HEXB: variants seen among roughly 807,000 people sequenced by gnomAD.
HEXB encodes the protein beta-hexosaminidase subunit beta.
A neutral mutation model predicts 71.2 loss-of-function variants in HEXB; 51 were observed. The ratio of observed to expected loss-of-function variants is 0.72; its 90% CI spans 0.57 to 0.90. The LOEUF (loss-of-function observed/expected upper bound fraction) is 0.90. HEXB is among the 40% of genes least tolerant of loss of function. The probability of loss-of-function intolerance (pLI) is 0.00; values close to 1 mark genes in which losing one functional copy is unlikely to be tolerated. For missense variants in HEXB, 617 were observed against 677.0 expected, an observed-to-expected ratio of 0.91 and a Z score of 0.98; for synonymous variants, 266 against 249.3, an observed-to-expected ratio of 1.07 and a Z score of -0.63.
At chr5:74,689,185 T>G (rs1343371011) in intron 1 of HEXB, 143 bp from the exon 2 acceptor site, 11 of 710,868 alleles carry the variant, frequency 1.5e-5, no homozygotes, top group Admixed American at 6.3e-5. Context: ...GATTCTAATG[T>G]ACAGCTTGGG....
At chr5:74,645,855 A>G (rs955420193) in intron 1 of HEXB, among the ~76,000 whole-genome samples, 5 of 152,236 alleles carry the variant, frequency 3.3e-5, no homozygotes, top group Non-Finnish European at 5.9e-5. Flanking sequence ...GAAATATAGA[A>G]AACACAGAAA....
chr5:74,665,920 T>C (rs1748424053), intron 1 of HEXB, among the ~76,000 whole-genome samples: 1 of 152,156 alleles, frequency 6.6e-6, no homozygotes, highest in African/African-American at 2.4e-5. Flanking sequence ...GCTATGAAAA[T>C]ATACCTTGCA....
chr5:74,688,251 TAATATTTAATGCCTTTAC>T (rs1748916517), intron 1 of HEXB, among the ~76,000 whole-genome samples: 2 of 151,544 alleles, frequency 1.3e-5, no homozygotes, highest in Non-Finnish European at 3.0e-5. Context: ...ATATTAATAT[TAATATTTAATGCCTTTAC>T]AATATTTAAT....
At chr5:74,664,548 T>C (rs1016344712) in intron 1 of HEXB, among the ~76,000 whole-genome samples, 1 of 151,522 alleles carries the variant, frequency 6.6e-6, no homozygotes, top group African/African-American at 2.4e-5. Flanking sequence ...CCAAAATCAG[T>C]TCTGGATAGA....
intron 1 of HEXB, chr5:74,640,582 T>G (rs1747825171): frequency 6.6e-6 from 1 of 152,326 alleles, no homozygotes; most frequent in Non-Finnish European, 1.5e-5. Flanking sequence ...AGCCTGCCAC[T>G]GCAGGCGCCG....
Position 74,715,495 on chromosome 5 carries a change from A to C in HEXB, c.902-15A>C. ...GTACACTTCTTTTAAAAAGAATCTT[A>C]ATATTTTCTTCTAGGTCAGAAAGAC... On this transcript the variant is annotated splice_polypyrimidine_tract_variant and intron_variant, in intron 7 of 13. Transcript: ENST00000261416. The C allele has an allele frequency of 3.2e-6, 5 of 1,566,980 alleles. No individual in the cohort carries two copies. Among genetic ancestry groups the C allele is most frequent in the Non-Finnish European group, 4.4e-6 (5 of 1,137,246 alleles).
At chr5:74,684,395 G>T (rs889742676), upstream of HEXB, among the ~76,000 whole-genome samples, 12 of 152,186 alleles carry the variant, frequency 7.9e-5, no homozygotes, top group Non-Finnish European at 2.9e-5. Flanking sequence ...GATTCCTTGG[G>T]CATGCTCTGC....
intron 2 of HEXB, among the ~76,000 whole-genome samples, chr5:74,692,334 C>T (rs78023998): frequency 1.9e-5 from 1 of 52,430 alleles, no homozygotes. Flanking sequence ...CCTGTCTCTA[C>T]AAAAAAAAAA....
At chr5:74,648,564 G>A (rs564339532) in intron 1 of HEXB, among the ~76,000 whole-genome samples, 1 of 152,092 alleles carries the variant, frequency 6.6e-6, no homozygotes, top group African/African-American at 2.4e-5. Context: ...TTAATAGTGG[G>A]AGGAAACATC....
At chr5:74,705,440 G>GT in intron 6 of HEXB, 120 bp downstream of exon 6, 1 of 717,388 alleles carries the variant, frequency 1.4e-6, no homozygotes, top group East Asian at 2.7e-5. Flanking sequence ...GATGTTTATG[G>GT]TTTTTAATTT....
intron 1 of HEXB, among the ~76,000 whole-genome samples, chr5:74,665,416 G>C (rs746219689): frequency 6.3e-4 from 52 of 82,452 alleles, no homozygotes; most frequent in Middle Eastern, 5.9e-3. Context: ...ACTTTTCTCT[G>C]TGTGTGTGTG....
intron 9 of HEXB, chr5:74,716,913 G>T: frequency 2.8e-6 from 1 of 361,056 alleles, no homozygotes; most frequent in Non-Finnish European, 5.3e-6. Flanking sequence ...GATTGGGCTG[G>T]GCATGGTGGC....
intron 2 of HEXB, among the ~76,000 whole-genome samples, chr5:74,692,212 T>A (rs1749017527): frequency 6.6e-6 from 1 of 151,690 alleles, no homozygotes; most frequent in Non-Finnish European, 1.5e-5. Flanking sequence ...AAGAATTTGA[T>A]ACAGGCTGGG....
intron 9 of HEXB, chr5:74,716,892 C>T (rs1452294110): frequency 2.5e-6 from 1 of 407,258 alleles, no homozygotes; most frequent in Non-Finnish European, 4.6e-6. Flanking sequence ...GTCATCTGTT[C>T]TAAAAACTCA....
At chr5:74,700,345 T>C (rs1749233809) in intron 5 of HEXB, among the ~76,000 whole-genome samples, 1 of 152,098 alleles carries the variant, frequency 6.6e-6, no homozygotes, top group African/African-American at 2.4e-5. Context: ...TCGTCTAGAA[T>C]GTGAATACCT....
chr5:74,719,803 G>A (rs375046575), intron 11 of HEXB, among the ~76,000 whole-genome samples: 3 of 152,032 alleles, frequency 2.0e-5, no homozygotes, highest in South Asian at 4.2e-4. Flanking sequence ...TTAGCCGGAC[G>A]TGGTGATGGG....
chr5:74,668,414 T>C (rs1328074418), intron 1 of HEXB, among the ~76,000 whole-genome samples: 1 of 152,200 alleles, frequency 6.6e-6, no homozygotes, highest in Non-Finnish European at 1.5e-5. Context: ...TTTTCTTTGC[T>C]ATGTAAGAGA....
intron 1 of HEXB, among the ~76,000 whole-genome samples, chr5:74,644,934 G>GCTAAT (rs1384848666): frequency 2.6e-5 from 4 of 151,342 alleles, no homozygotes; most frequent in African/African-American, 9.7e-5. Context: ...ACCACATCCG[G>GCTAAT]CTAATTTTTG....
chr5:74,701,628 G>A (rs1253767752), intron 5 of HEXB, among the ~76,000 whole-genome samples: 1 of 151,814 alleles, frequency 6.6e-6, no homozygotes, highest in Non-Finnish European at 1.5e-5. Flanking sequence ...TTTTGTTTTT[G>A]TTTGTATTTT....
Sources: allele counts gnomAD v4.1 joint callset (sites outside exome capture counted in the v4.1 genomes callset), GRCh38; gene constraint gnomAD v4.1.1; transcripts MANE v1.5; gene names NCBI Gene and HGNC (gene_info 2026-07-23, HGNC 2026-07-21).